AOX1: variants seen among roughly 807,000 people sequenced by gnomAD.
The protein encoded by AOX1 is aldehyde oxidase 1, also known as aldehyde oxidase.
A neutral mutation model predicts 169.5 loss-of-function variants in AOX1; 153 were observed. That is an observed-to-expected ratio of 0.90 (90% CI 0.79 to 1.03). The LOEUF is 1.03. Among genes scored for constraint, AOX1 ranks in the 50% least tolerant of loss-of-function variants. The pLI is 0.00. For missense variants in AOX1, 1,656 were observed against 1,663.9 expected (o/e 1.00, Z 0.08); for synonymous variants, 562 against 581.9 (o/e 0.97, Z 0.49).
chr2:200,609,987 GT>G (rs1038402225), intron 12 of AOX1, among the ~76,000 whole-genome samples: 3 of 151,078 alleles, frequency 2.0e-5, no homozygotes, highest in Non-Finnish European at 4.4e-5. Flanking sequence ...AATTTGTGGG[GT>G]TTTTTTTCGT....
chr2:200,603,824 G>A (rs555957807), intron 7 of AOX1, among the ~76,000 whole-genome samples, 193 bp from the exon 8 acceptor site: 11 of 152,300 alleles, frequency 7.2e-5, no homozygotes, highest in South Asian at 4.1e-4. Context: ...AGGCCCATTG[G>A]CATCAGCACT....
At chr2:200,680,084 A>C (rs2036139597), downstream of AOX1, among the ~76,000 whole-genome samples, 1 of 152,200 alleles carries the variant, frequency 6.6e-6, no homozygotes, top group African/African-American at 2.4e-5. Flanking sequence ...ATCTCTAAAA[A>C]TAAATAAAAA....
At chr2:200,625,716 T>C (rs2034985779) in intron 19 of AOX1, among the ~76,000 whole-genome samples, 1 of 152,190 alleles carries the variant, frequency 6.6e-6, no homozygotes, top group East Asian at 1.9e-4. Flanking sequence ...CCAGTGAAGT[T>C]GAAAAAGATG....
chr2:200,650,769 A>ATAAG (rs995702652), intron 25 of AOX1, among the ~76,000 whole-genome samples: 2 of 152,248 alleles, frequency 1.3e-5, no homozygotes, highest in African/African-American at 4.8e-5. Context: ...TAGAAAGCAC[A>ATAAG]TAAGTAATTG....
chr2:200,599,572 T>C (rs10179964), intron 4 of AOX1, 48 bp from the exon 5 acceptor site: 881,062 of 1,531,286 alleles, frequency 0.58, 255,709 homozygotes, highest in East Asian at 0.74. Flanking sequence ...TCATTAGGCC[T>C]GGGATGGGGC....
chr2:200,670,651 C>A lies in AOX1; in HGVS notation c.3989C>A (p.Ser1330Tyr), dbSNP rs866433719. The A allele has an allele frequency of 6.2e-7, 1 of 1,612,834 alleles. No individual in the cohort carries two copies. The highest frequency in any genetic ancestry group is 1.3e-5 in the African/African-American group (1 of 75,018). Residue 1330 changes from serine to tyrosine, a missense_variant, in exon 35 of 35, where the codon TCC becomes TAC. Physicochemically the swap from Ser to Tyr is moderately radical, Grantham distance 144. Transcript: ENST00000374700. ...TAGATTCCGAGAGATGAACCTGGAT[C>A]CTACGTTCCTTGGAATGTACCCATC... ...TKMIPRDEPGSYVPWNVPI is the reference protein window; with the variant it reads ...TKMIPRDEPGYYVPWNVPI
rs1368932373 is a variant in AOX1 at position 200,595,319 on chromosome 2, G to A, written c.151G>A (p.Ala51Thr). The change falls in exon 3 of 35, where the codon GCT becomes ACT. Residue 51 changes from alanine (A) to threonine (T), a missense_variant. By Grantham distance (58) the Ala-to-Thr change is moderately conservative. Coordinates refer to ENST00000374700, the MANE Select transcript of AOX1 (RefSeq NM_001159.4). ...TGGCTGTGGAGGAGGAGGCTGTGGT[G>A]CTTGTACAGTGATGATATCACGATA... ...KYGCGGGGCG[A>T]CTVMISRYNP... The A allele has an allele frequency of 6.2e-7, 1 of 1,613,218 alleles. No individual in the cohort carries two copies.
chr2:200,619,689 C>A (rs1182008405), intron 16 of AOX1, among the ~76,000 whole-genome samples: 38 of 152,324 alleles, frequency 2.5e-4, no homozygotes, highest in Admixed American at 3.9e-4. Context: ...ACAGAGCCAA[C>A]AGCAAGATAT....
intron 31 of AOX1, among the ~76,000 whole-genome samples, 198 bp downstream of exon 31, chr2:200,663,167 T>C (rs112920501): frequency 0.017 from 2,566 of 152,246 alleles, 59 homozygotes; most frequent in African/African-American, 0.058. Context: ...AAACAACTGG[T>C]GGCCTGTCTT....
chr2:200,609,184 C>G (rs1271805156), intron 11 of AOX1, 49 bp downstream of exon 11: 3 of 1,604,252 alleles, frequency 1.9e-6, no homozygotes, highest in East Asian at 4.5e-5. Context: ...TTGGGTGACT[C>G]TCCCTGATGA....
chr2:200,623,319 AGGGGAT>A (rs1229418750), intron 18 of AOX1, among the ~76,000 whole-genome samples: 1 of 152,178 alleles, frequency 6.6e-6, no homozygotes, highest in Non-Finnish European at 1.5e-5. Flanking sequence ...CCCCCCAGGA[AGGGGAT>A]GCTGTCTGCT....
chr2:200,679,930 A>C (rs2036138829), downstream of AOX1, among the ~76,000 whole-genome samples: 1 of 151,870 alleles, frequency 6.6e-6, no homozygotes, highest in African/African-American at 2.4e-5. Flanking sequence ...AAAATAAACA[A>C]CTCAGCTGGG....
intron 19 of AOX1, among the ~76,000 whole-genome samples, chr2:200,626,005 G>C (rs962096160): frequency 1.3e-5 from 2 of 152,148 alleles, no homozygotes; most frequent in Non-Finnish European, 2.9e-5. Flanking sequence ...TTCCCTACCG[G>C]AATCTGTCCT....
rs1166562724 is a variant in AOX1, at chr2:200,586,101, ACAC to A, written c.-4_-2del. The A allele has an allele frequency of 6.4e-7, 1 of 1,556,386 alleles. No individual in the cohort carries two copies. The highest frequency in any genetic ancestry group is 8.7e-7 in the Non-Finnish European group (1 of 1,151,212). On this transcript the variant is annotated 5_prime_UTR_variant, in exon 1 of 35. Transcript: ENST00000374700. Reference sequence around the variant, plus strand: ...GCTCCGGGCCCTCGAACCAGCGCGGACACCACAATGGACCGGGCGTCCGAGCTG... The same window carrying A: ...GCTCCGGGCCCTCGAACCAGCGCGGACACAATGGACCGGGCGTCCGAGCTG...
chr2:200,620,503 C>T, intron 16 of AOX1, 147 bp from the exon 17 acceptor site: 1 of 727,494 alleles, frequency 1.4e-6, no homozygotes, highest in East Asian at 3.4e-5. Context: ...GCCACTGTGC[C>T]CAGCCCAATA....
Position 200,667,972 on chromosome 2 carries a change from A to C in AOX1, c.3610-643A>C, listed in dbSNP as rs2035952472. Among the ~76,000 whole-genome samples the C allele has an allele frequency of 2.0e-5, 3 of 152,164 alleles. 1 individual carries two copies. In the South Asian group the frequency reaches 6.2e-4, roughly 32 times the overall value. Reference sequence around the variant, plus strand: ...TTGTCTGCCTCATGGGCAAAAAACAAAAGAAGAGGGTGCTTGGGCTCCAGA... The same window carrying C: ...TTGTCTGCCTCATGGGCAAAAAACACAAGAAGAGGGTGCTTGGGCTCCAGA... On this transcript the variant is annotated intron_variant, in intron 32 of 34. Coordinates refer to ENST00000374700, the MANE Select transcript of AOX1 (RefSeq NM_001159.4).
At chr2:200,590,804 T>C (rs1196124230) in intron 1 of AOX1, among the ~76,000 whole-genome samples, 5 of 152,168 alleles carry the variant, frequency 3.3e-5, no homozygotes, top group Admixed American at 3.3e-4. Flanking sequence ...TACCATCATA[T>C]CTAGGAACAG....
At chr2:200,632,825 C>T (rs1224469913) in intron 20 of AOX1, among the ~76,000 whole-genome samples, 1 of 151,860 alleles carries the variant, frequency 6.6e-6, no homozygotes, top group Non-Finnish European at 1.5e-5. Flanking sequence ...AAAATTTTAC[C>T]ACTTCTTCTG....
At chr2:200,616,630 C>T (rs745464641) in intron 16 of AOX1, among the ~76,000 whole-genome samples, 22 of 152,152 alleles carry the variant, frequency 1.4e-4, no homozygotes, top group Non-Finnish European at 2.8e-4. Flanking sequence ...TTTGTGCTCT[C>T]GTAATGAAGG....
Sources: allele counts gnomAD v4.1 joint callset (sites outside exome capture counted in the v4.1 genomes callset), GRCh38; gene constraint gnomAD v4.1.1; transcripts MANE v1.5; gene names NCBI Gene and HGNC (gene_info 2026-07-23, HGNC 2026-07-21).